CDC42SE2: variants seen among roughly 807,000 people sequenced by gnomAD.
CDC42SE2 encodes the protein CDC42 small effector protein 2.
A neutral mutation model predicts 11.5 loss-of-function variants in CDC42SE2; 3 were observed. The observed-to-expected ratio is 0.26, with a 90% CI of 0.12 to 0.67. The LOEUF is 0.67. CDC42SE2 is among the 30% of genes least tolerant of loss of function. CDC42SE2 has a pLI of 0.80. For missense variants in CDC42SE2, 82 were observed against 106.8 expected (o/e 0.77, Z 1.02); for synonymous variants, 33 against 34.8 (o/e 0.95, Z 0.18).
chr5:131,250,525 C>G (rs1451765476), intron 1 of CDC42SE2, among the ~76,000 whole-genome samples: 1 of 152,006 alleles, frequency 6.6e-6, no homozygotes, highest in Non-Finnish European at 1.5e-5. Context: ...AAAGGCAAAA[C>G]TGTGGAGACA....
chr5:131,276,341 C>T (rs1357204015), intron 1 of CDC42SE2, among the ~76,000 whole-genome samples: 1 of 149,934 alleles, frequency 6.7e-6, no homozygotes, highest in African/African-American at 2.5e-5. Context: ...CCCTCCTACT[C>T]AGGAGGCTGA....
At chr5:131,236,591 CT>C in the CDC42SE2 span, among the ~76,000 whole-genome samples, 1 of 152,006 alleles carries the variant, frequency 6.6e-6, no homozygotes, top group Non-Finnish European at 1.5e-5. Flanking sequence ...TCAAGGCCAG[CT>C]AAGTTTGTAT....
intron 1 of CDC42SE2, among the ~76,000 whole-genome samples, chr5:131,311,587 A>T (rs1331879588): frequency 6.6e-6 from 1 of 152,130 alleles, no homozygotes; most frequent in Admixed American, 6.6e-5. Context: ...TACCAATCAG[A>T]CGTAGATTTG....
chr5:131,339,058 C>T (rs1758645525), intron 2 of CDC42SE2, among the ~76,000 whole-genome samples: 1 of 151,590 alleles, frequency 6.6e-6, no homozygotes, highest in African/African-American at 2.4e-5. Flanking sequence ...CCATACTGGC[C>T]AACATGGTGA....
At chr5:131,276,220 G>A (rs1435338577) in intron 1 of CDC42SE2, among the ~76,000 whole-genome samples, 1 of 149,588 alleles carries the variant, frequency 6.7e-6, no homozygotes, top group African/African-American at 2.5e-5. Flanking sequence ...GCTGAGGTGA[G>A]TGGATTGCTT....
intron 1 of CDC42SE2, among the ~76,000 whole-genome samples, chr5:131,288,444 G>A (rs1757385866): frequency 1.3e-5 from 2 of 152,052 alleles, no homozygotes; most frequent in African/African-American, 2.4e-5. Flanking sequence ...TTTCAGTATG[G>A]TGAGTGTCTC....
At chr5:131,378,713 T>C (rs1214377783) in intron 3 of CDC42SE2, among the ~76,000 whole-genome samples, 2 of 152,252 alleles carry the variant, frequency 1.3e-5, no homozygotes, top group Non-Finnish European at 2.9e-5. Context: ...TACATACTTA[T>C]GGTGTGTTTG....
chr5:131,224,728 G>A, the CDC42SE2 span, among the ~76,000 whole-genome samples: 9 of 152,038 alleles, frequency 5.9e-5, no homozygotes, highest in African/African-American at 1.9e-4. Context: ...TACTCAGAAC[G>A]AAAGTCAAAA....
intron 1 of CDC42SE2, among the ~76,000 whole-genome samples, chr5:131,295,632 C>T (rs1757555165): frequency 1.3e-5 from 2 of 151,626 alleles, no homozygotes; most frequent in Admixed American, 6.6e-5. Context: ...TAATGTTTCT[C>T]TCTGGAGCGG....
intron 2 of CDC42SE2, among the ~76,000 whole-genome samples, chr5:131,319,425 A>G (rs1019706474): frequency 6.6e-6 from 1 of 152,202 alleles, no homozygotes; most frequent in Admixed American, 6.5e-5. Flanking sequence ...GGATAAATTT[A>G]TATTGATATC....
chr5:131,252,058 G>GGGGAAGGAAGGA (rs1561561614), intron 1 of CDC42SE2, among the ~76,000 whole-genome samples: 1 of 41,082 alleles, frequency 2.4e-5, no homozygotes, highest in Non-Finnish European at 6.9e-5. Context: ...AAGAGAATGA[G>GGGGAAGGAAGGA]TGGAAGGAAG....
At chr5:131,268,680 G>A (rs963301185) in intron 1 of CDC42SE2, among the ~76,000 whole-genome samples, 2 of 150,318 alleles carry the variant, frequency 1.3e-5, no homozygotes, top group South Asian at 2.1e-4. Flanking sequence ...TCGAACTCCC[G>A]ACTTCAGGTG....
In CDC42SE2 at chr5:131,391,780, T is replaced by G. The variant is rs182663998; in HGVS notation, c.*689T>G. ...TTAAAAAGACTACTTTGAAAAAGGATAAACCCTGAAAATGTAGAAATAATT... is the reference window on the plus strand; with the variant it reads ...TTAAAAAGACTACTTTGAAAAAGGAGAAACCCTGAAAATGTAGAAATAATT... On this transcript the variant is annotated 3_prime_UTR_variant, in exon 5 of 5. Transcript: ENST00000505065. The G allele has an allele frequency of 1.1e-3, 172 of 152,348 alleles. No homozygotes were observed. Among genetic ancestry groups the G allele is most frequent in the African/African-American group, 4.1e-3 (170 of 41,558 alleles). The allele number at this position is 152,348 out of a possible 1,614,324, so 9.4% of individuals were successfully genotyped here.
chr5:131,274,113 A>G (rs973387151), intron 1 of CDC42SE2, among the ~76,000 whole-genome samples: 1 of 152,114 alleles, frequency 6.6e-6, no homozygotes. Context: ...TTTAGTCTGG[A>G]TCTGTTTCCT....
chr5:131,238,958 C>T, the CDC42SE2 span, among the ~76,000 whole-genome samples: 1 of 151,890 alleles, frequency 6.6e-6, no homozygotes, highest in South Asian at 2.1e-4. Context: ...GAGTTTGAGA[C>T]CAGCCTGACC....
intron 2 of CDC42SE2, among the ~76,000 whole-genome samples, chr5:131,339,459 A>C (rs1758656334): frequency 6.6e-6 from 1 of 152,074 alleles, no homozygotes; most frequent in Non-Finnish European, 1.5e-5. Flanking sequence ...TAAACGACTA[A>C]GACACTATAG....
intron 3 of CDC42SE2, 99 bp from the exon 4 acceptor site, chr5:131,385,444 G>A (rs954968017): frequency 1.6e-5 from 12 of 764,276 alleles, no homozygotes; most frequent in African/African-American, 3.5e-5. Flanking sequence ...GCATTTTTGT[G>A]TTCTTGGCAA....
chr5:131,238,707 G>A, the CDC42SE2 span, among the ~76,000 whole-genome samples: 155 of 151,602 alleles, frequency 1.0e-3, no homozygotes, highest in Middle Eastern at 0.014. Context: ...CTTCAGGTGT[G>A]TATAATCTGT....
intron 1 of CDC42SE2, among the ~76,000 whole-genome samples, chr5:131,298,503 C>T (rs943475321): frequency 2.6e-5 from 4 of 151,356 alleles, no homozygotes; most frequent in Non-Finnish European, 5.9e-5. Flanking sequence ...TATGACGTCA[C>T]AAATATAGGA....
Sources: allele counts gnomAD v4.1 joint callset (sites outside exome capture counted in the v4.1 genomes callset), GRCh38; gene constraint gnomAD v4.1.1; transcripts MANE v1.5; gene names NCBI Gene and HGNC (gene_info 2026-07-23, HGNC 2026-07-21).